The following WASHC4 variants were observed in gnomAD, a reference collection of about 807,000 sequenced individuals.
WASHC4 encodes WASH complex subunit 7.
WASHC4 carries 86 observed loss-of-function variants against 166.6 expected under a neutral mutation model. The ratio of observed to expected loss-of-function variants is 0.52; its 90% CI spans 0.43 to 0.62. The LOEUF is 0.62. Ranked by LOEUF, WASHC4 falls within the 20% of genes least tolerant of loss-of-function variation. The pLI is 0.00. For missense variants in WASHC4, 1,262 were observed against 1,382.4 expected (o/e 0.91, Z 1.38); for synonymous variants, 446 against 451.6 (o/e 0.99, Z 0.16).
At chr12:105,158,667 TGGG>T (rs964449989) in intron 28 of WASHC4, among the ~76,000 whole-genome samples, 3 of 152,150 alleles carry the variant, frequency 2.0e-5, no homozygotes, top group Non-Finnish European at 4.4e-5. Context: ...GAGGAATAAT[TGGG>T]GGACATTTGA....
intron 10 of WASHC4, among the ~76,000 whole-genome samples, chr12:105,123,319 G>T (rs1880962600): frequency 6.6e-6 from 1 of 152,040 alleles, no homozygotes; most frequent in African/African-American, 2.4e-5. Context: ...TCTTTTAGGG[G>T]GGTGGGGAAA....
intron 13 of WASHC4, among the ~76,000 whole-genome samples, chr12:105,131,328 C>T (rs898946448): frequency 5.9e-5 from 9 of 151,700 alleles, no homozygotes; most frequent in African/African-American, 2.2e-4. Context: ...CCTCATGATC[C>T]ACCCGCCTCG....
chr12:105,146,627 CA>C (rs759726289), intron 23 of WASHC4, 101 bp downstream of exon 23: 6 of 712,850 alleles, frequency 8.4e-6, no homozygotes, highest in Non-Finnish European at 1.5e-5. Context: ...TTAAATGAAA[CA>C]AAAAATAATT....
At chr12:105,140,814 C>A in intron 16 of WASHC4, 85 bp from the exon 17 acceptor site, 1 of 1,322,048 alleles carries the variant, frequency 7.6e-7, no homozygotes, top group Non-Finnish European at 1.1e-6. Context: ...TAAATTGAAT[C>A]ATGGAAAAGA....
At position 105,141,025 on chromosome 12, in the gene WASHC4, C is replaced by G. The variant is rs182156144; in HGVS notation, c.1687C>G (p.Leu563Val). The change falls in exon 17 of 33, where the codon CTA becomes GTA. Residue 563 changes from leucine (L) to valine (V), a missense_variant. Leu to Val is a conservative substitution (Grantham distance 32). Coordinates refer to ENST00000332180, the MANE Select transcript of WASHC4 (RefSeq NM_015275.3). ...ACGGCGACTTATTGTTTCTTTGGCACTAAGTGTTGGCACACAAATGGTAAG... is the reference window on the plus strand; with the variant it reads ...ACGGCGACTTATTGTTTCTTTGGCAGTAAGTGTTGGCACACAAATGGTAAG... ...KQRRLIVSLA[L>V]SVGTQMKTFK... 7 of 1,614,134 alleles carry G rather than the reference C, an allele frequency of 4.3e-6. No homozygotes were observed. The Admixed American group carries it at 1.2e-4, about 27-fold the overall frequency.
At chr12:105,140,876 A>G (rs1262316203) in intron 16 of WASHC4, 23 bp from the exon 17 acceptor site, 2 of 1,610,340 alleles carry the variant, frequency 1.2e-6, no homozygotes, top group Non-Finnish European at 1.7e-6. Flanking sequence ...AGAAACAAAT[A>G]GTTTTCCTGT....
At chr12:105,155,768 A>G (rs1173347511) in intron 26 of WASHC4, among the ~76,000 whole-genome samples, 1 of 152,172 alleles carries the variant, frequency 6.6e-6, no homozygotes, top group Non-Finnish European at 1.5e-5. Flanking sequence ...CTTGAACTGC[A>G]GAGGCGGAGG....
rs113031019 is a variant in WASHC4, at chr12:105,149,665, A to G, written c.2565A>G (p.Gln855=). 1,186 of 1,566,430 alleles carry G rather than the reference A, an allele frequency of 7.6e-4. 9 individuals are homozygous for G. The African/African-American group carries it at 0.014, about 18-fold the overall frequency. Reference sequence around the variant, plus strand: ...AAAAGAAGTTCTATATATTTAGCCAATTTATGTATGATGAACACATCAAAT... The same window carrying G: ...AAAAGAAGTTCTATATATTTAGCCAGTTTATGTATGATGAACACATCAAAT... ...FLKKKFYIFS[Q]FMYDEHIKSR... Residue 855 remains glutamine, a synonymous_variant, in exon 25 of 33, where the codon CAA becomes CAG. Transcript: ENST00000332180.
At chr12:105,146,644 C>G (rs776147971) in intron 23 of WASHC4, 118 bp downstream of exon 23, 3 of 671,164 alleles carry the variant, frequency 4.5e-6, no homozygotes, top group Non-Finnish European at 8.0e-6. Context: ...TAATTGTTTT[C>G]GAGGCCTTGT....
At chr12:105,115,578 A>G in intron 5 of WASHC4, 83 bp from the exon 6 acceptor site, 3 of 1,030,804 alleles carry the variant, frequency 2.9e-6, no homozygotes, top group East Asian at 2.4e-5. Context: ...CTAATGAAAA[A>G]AAAAAACTTT....
rs1304528620 is a variant in WASHC4 at position 105,168,590 on chromosome 12, C to G, written c.*1659C>G. On this transcript the variant is annotated 3_prime_UTR_variant, in exon 33 of 33. Transcript: ENST00000332180. The stretch of plus-strand genomic sequence containing the variant: ...TGTTACTAGAAGAGAATCACATGTT[C>G]TGTGTTCATTATCCCTACACATGTA... The G allele has an allele frequency of 1.3e-5, 2 of 152,032 alleles. No homozygotes were observed. Among genetic ancestry groups the G allele is most frequent in the Admixed American group, 1.3e-4 (2 of 15,244 alleles). The allele number at this position is 152,032 out of a possible 1,614,324, so 9.4% of individuals were successfully genotyped here. A position where few individuals can be genotyped will look rare whatever the true frequency, so the allele number is the denominator to read the frequency against.
chr12:105,152,150 T>G (rs1178658996), intron 25 of WASHC4, among the ~76,000 whole-genome samples, 193 bp from the exon 26 acceptor site: 1 of 152,222 alleles, frequency 6.6e-6, no homozygotes, highest in Non-Finnish European at 1.5e-5. Flanking sequence ...ATTAGTCGTT[T>G]TAGCTAATGT....
At chr12:105,127,872 C>A (rs1881435582) in intron 13 of WASHC4, among the ~76,000 whole-genome samples, 1 of 151,738 alleles carries the variant, frequency 6.6e-6, no homozygotes, top group Non-Finnish European at 1.5e-5. Context: ...TATTTTTTAT[C>A]TCTTATTGTG....
intron 13 of WASHC4, among the ~76,000 whole-genome samples, chr12:105,131,711 C>G (rs1881840732): frequency 6.6e-6 from 1 of 151,242 alleles, no homozygotes; most frequent in Non-Finnish European, 1.5e-5. Context: ...ACTGTGCTGT[C>G]TGTTTTTAAA....
chr12:105,131,118 C>T (rs1881773938), intron 13 of WASHC4, among the ~76,000 whole-genome samples: 1 of 149,028 alleles, frequency 6.7e-6, no homozygotes, highest in Non-Finnish European at 1.5e-5. Context: ...CTCGCTCTGT[C>T]TCCCAGGTTG....
At chr12:105,144,964 T>C (rs1464769273) in intron 22 of WASHC4, 92 bp downstream of exon 22, 1 of 1,235,652 alleles carries the variant, frequency 8.1e-7, no homozygotes, top group Non-Finnish European at 1.2e-6. Flanking sequence ...CTTTAGTTAG[T>C]ATGTGCTTAT....
chr12:105,133,473 C>G (rs1488431314), intron 13 of WASHC4, among the ~76,000 whole-genome samples: 1 of 152,006 alleles, frequency 6.6e-6, no homozygotes, highest in Admixed American at 6.6e-5. Context: ...TAAAATTTTA[C>G]TTACTGATTT....
intron 4 of WASHC4, among the ~76,000 whole-genome samples, chr12:105,114,876 TCTC>T (rs760990304): frequency 1.8e-4 from 27 of 152,064 alleles, no homozygotes; most frequent in Admixed American, 3.9e-4. Context: ...CGTATTTTCT[TCTC>T]CTGCTTTTTG....
chr12:105,160,042 C>T lies in WASHC4; in HGVS notation c.2954C>T (p.Ala985Val), dbSNP rs1884398206. The change falls in exon 29 of 33, where the codon GCC becomes GTC. Residue 985 changes from alanine to valine, a missense_variant. Coordinates refer to ENST00000332180, the MANE Select transcript of WASHC4 (RefSeq NM_015275.3). The stretch of plus-strand genomic sequence containing the variant: ...CTCAGTGATCACACACGAAATTCTG[C>T]CGAAGGCACAGAATATTTCAAAATG... ...SVLSDHTRNS[A>V]EGTEYFKMLV... 1 of 1,613,740 alleles carries T rather than the reference C, an allele frequency of 6.2e-7. No individual in the cohort carries two copies.
Sources: allele counts gnomAD v4.1 joint callset (sites outside exome capture counted in the v4.1 genomes callset), GRCh38; gene constraint gnomAD v4.1.1; transcripts MANE v1.5; gene names NCBI Gene and HGNC (gene_info 2026-07-23, HGNC 2026-07-21).